AWAT1: variants seen among roughly 807,000 people sequenced by gnomAD.
AWAT1 encodes diacyl-glycerol acyltransferase 2.
In AWAT1, 26 loss-of-function variants were observed where a neutral mutation model predicts 21.6. That is an observed-to-expected ratio of 1.20 (90% CI 0.88 to 1.67). The LOEUF (loss-of-function observed/expected upper bound fraction) is 1.67, where lower values mean the gene tolerates loss of function less well. Ranked by LOEUF, AWAT1 falls within the 40% of genes most tolerant of loss-of-function variation. AWAT1 has a pLI of 0.00. For synonymous variants in AWAT1, 102 were observed against 99.3 expected (o/e 1.03, Z -0.16); for missense variants, 264 against 249.4 (o/e 1.06, Z -0.39).
intron 3 of AWAT1, 59 bp downstream of exon 3, chrX:70,236,198 C>T: frequency 1.1e-6 from 1 of 931,895 alleles, no homozygotes; most frequent in Non-Finnish European, 1.6e-6. Flanking sequence ...GGCATTTATA[C>T]CACATGACTA....
intron 1 of AWAT1, 92 bp downstream of exon 1, chrX:70,234,863 T>A: frequency 1.3e-6 from 1 of 788,089 alleles, no homozygotes; most frequent in Non-Finnish European, 1.9e-6. Flanking sequence ...TGAAGTCTCA[T>A]TTTGAGCCTT....
chrX:70,240,048 G>A (rs894765876), intron 6 of AWAT1, 88 bp from the exon 7 acceptor site: 87 of 1,146,991 alleles, frequency 7.6e-5, no homozygotes, highest in Non-Finnish European at 9.0e-5. Flanking sequence ...TCTGGGATGC[G>A]AGAGTCAGGC....
chrX:70,235,607 T>C, intron 1 of AWAT1, 109 bp from the exon 2 acceptor site: 1 of 574,696 alleles, frequency 1.7e-6, no homozygotes, highest in Non-Finnish European at 3.1e-6. Context: ...CTGGATTGTG[T>C]TGAGGGCCAG....
In AWAT1 at chrX:70,240,625, A is replaced by G. The variant is rs140973642; in HGVS notation, c.*335A>G. On this transcript the variant is annotated 3_prime_UTR_variant, in exon 7 of 7. Transcript: ENST00000374521. ...TACTTTCTGTCTCTGTGGATTTGCC[A>G]ATTCTGAACATTTTATATAAATGGA... 468 of 223,486 alleles carry G rather than the reference A, an allele frequency of 2.1e-3. 2 individuals carry two copies. Among genetic ancestry groups the G allele is most frequent in the Middle Eastern group, 8.7e-3 (6 of 691 alleles). The allele number at this position is 223,486 out of a possible 1,213,427, so 18.4% of individuals were successfully genotyped here.
intron 5 of AWAT1, 107 bp downstream of exon 5, chrX:70,238,490 C>A (rs957446759): frequency 4.6e-6 from 4 of 871,273 alleles, no homozygotes; most frequent in Admixed American, 7.9e-5. Flanking sequence ...AAGGAACATA[C>A]TACCAAGTAA....
At chrX:70,236,019 T>C in intron 2 of AWAT1, 50 bp from the exon 3 acceptor site, 1 of 1,073,561 alleles carries the variant, frequency 9.3e-7, no homozygotes, top group South Asian at 1.9e-5. Context: ...CCGTGGAATG[T>C]ATGGGATGGC....
chrX:70,240,072 G>A (rs1045978987), intron 6 of AWAT1, 64 bp from the exon 7 acceptor site: 1 of 1,170,704 alleles, frequency 8.5e-7, no homozygotes, highest in South Asian at 1.9e-5. Flanking sequence ...AGGTAGGAGA[G>A]GGAGGTTAAA....
At chrX:70,235,973 C>A in intron 2 of AWAT1, 96 bp from the exon 3 acceptor site, 1 of 935,642 alleles carries the variant, frequency 1.1e-6, no homozygotes, top group Non-Finnish European at 1.5e-6. Flanking sequence ...TCCTTTCCCA[C>A]CTCTCTAGCA....
rs1602708923 is a variant in AWAT1 at position 70,240,367 on chromosome X, G to A, written c.*77G>A. On this transcript the variant is annotated 3_prime_UTR_variant, in exon 7 of 7. Transcript: ENST00000374521. ...ACTCATCTGCCACTAACCAAAGACA[G>A]GCAGGAGATGAGGGAGGTTATATGT... 9.4e-7 allele frequency: 1 copy of A among 1,063,828 alleles called. No individual in the cohort carries two copies. Among genetic ancestry groups the A allele is most frequent in the Middle Eastern group, 2.7e-4 (1 of 3,746 alleles). 87.7% of individuals were successfully genotyped at this position (1,063,828 alleles called of 1,213,427 possible). A position where few individuals can be genotyped will look rare whatever the true frequency, so the allele number is the denominator to read the frequency against.
At position 70,240,414 on chromosome X, in the gene AWAT1, T is replaced by A; in HGVS notation, c.*124T>A. On this transcript the variant is annotated 3_prime_UTR_variant, in exon 7 of 7. Transcript: ENST00000374521. The stretch of plus-strand genomic sequence containing the variant: ...ATGTGGTAGGGGAGGGCATGAGGAA[T>A]TCCTTCTTTGCCTTCTTGCCACAGG... 1.3e-6 allele frequency: 1 copy of A among 774,566 alleles called. No homozygotes were observed. The highest frequency in any genetic ancestry group is 1.9e-6 in the Non-Finnish European group (1 of 539,642). The allele number at this position is 774,566 out of a possible 1,213,427, so 63.8% of individuals were successfully genotyped here.
In AWAT1 at chrX:70,240,319, G is replaced by A. The variant is rs1235385315; in HGVS notation, c.*29G>A. On this transcript the variant is annotated 3_prime_UTR_variant, in exon 7 of 7. Transcript: ENST00000374521. The stretch of plus-strand genomic sequence containing the variant: ...AAGGTACTGCATGCCCAGGAGCACA[G>A]GAGTGCCTGCCTTGAAGAAGAGACT... 8.4e-7 allele frequency: 1 copy of A among 1,194,396 alleles called. No individual in the cohort carries two copies. The highest frequency in any genetic ancestry group is 2.2e-5 in the Admixed American group (1 of 44,911).
At chrX:70,237,332 C>G (rs2147623949) in intron 4 of AWAT1, 84 bp downstream of exon 4, 1 of 836,235 alleles carries the variant, frequency 1.2e-6, no homozygotes. Context: ...CCCTCCTCCC[C>G]CCACCCGCCC....
chrX:70,236,088 G>A lies in AWAT1; in HGVS notation c.204G>A (p.Trp68Ter). The A allele has an allele frequency of 8.3e-7, 1 of 1,211,067 alleles. No individual in the cohort carries two copies. The highest frequency in any genetic ancestry group is 1.1e-6 in the Non-Finnish European group (1 of 894,894). ...TPERGGRRSA[W>*]VRNWCVWTHI... is the part of the protein sequence containing the mutation. ...CCTCAGGTGGCAGGCGTTCGGCCTG[G>A]GTAAGGAACTGGTGTGTCTGGACCC... Residue 68 changes from tryptophan (W) to a stop codon, truncating the protein, a stop_gained, in exon 3 of 7, where the codon TGG (tryptophan) becomes TGA (stop). Transcript: ENST00000374521. LOFTEE classifies it high-confidence loss of function.
At chrX:70,237,007 A>T in intron 3 of AWAT1, 37 bp from the exon 4 acceptor site, 1 of 1,142,574 alleles carries the variant, frequency 8.8e-7, no homozygotes, top group Non-Finnish European at 1.2e-6. Context: ...ATGTAATCTC[A>T]TTCCACCACC....
Position 70,239,795 on chromosome X carries a change from C to T in AWAT1, c.693C>T (p.Phe231=), listed in dbSNP as rs945958816. 8.3e-7 allele frequency: 1 copy of T among 1,210,811 alleles called. No individual in the cohort carries two copies. Residue 231 remains phenylalanine (F), a synonymous_variant, in exon 6 of 7, where the codon TTC becomes TTT. Transcript: ENST00000374521. The stretch of plus-strand genomic sequence containing the variant: ...CTGAGGTGTATGATCAGGTGCTGTT[C>T]CATAAGGATAGCAGGATGTACAAGT... ...GETEVYDQVL[F]HKDSRMYKFQ... is the part of the protein sequence containing the mutation.
rs373838476 is a variant in AWAT1 at position 70,238,320 on chromosome X, C to G, written c.569C>G (p.Pro190Arg). Reference protein sequence around the residue: ...GGVGEALQSVPNTTTLILQKR... With the variant: ...GGVGEALQSVRNTTTLILQKR... ...GTGGGTGAGGCCCTGCAAAGTGTGC[C>G]CAACACCACCACCCTCATCCTCCAG... Residue 190 changes from proline to arginine, a missense_variant, in exon 5 of 7, where the codon CCC becomes CGC. Physicochemically the swap from Pro to Arg is moderately radical, Grantham distance 103 (BLOSUM62 -2). Coordinates refer to ENST00000374521, the MANE Select transcript of AWAT1 (RefSeq NM_001013579.3). The G allele has an allele frequency of 4.1e-6, 5 of 1,208,027 alleles. No individual in the cohort carries two copies. The highest frequency in any genetic ancestry group is 3.5e-5 in the South Asian group (2 of 56,630).
At chrX:70,240,109 C>T in intron 6 of AWAT1, 27 bp from the exon 7 acceptor site, 1 of 1,205,648 alleles carries the variant, frequency 8.3e-7, no homozygotes, top group Non-Finnish European at 1.1e-6. Flanking sequence ...ACACTTTCCT[C>T]TTCTCTTTTC....
In AWAT1 at chrX:70,240,555, A is replaced by C; in HGVS notation, c.*265A>C. Reference sequence around the variant, plus strand: ...GGTCATCATTTGAGTCCTCTGGGACACATTAGCAGTCACTGCATATTCCCC... The same window carrying C: ...GGTCATCATTTGAGTCCTCTGGGACCCATTAGCAGTCACTGCATATTCCCC... On this transcript the variant is annotated 3_prime_UTR_variant, in exon 7 of 7. Coordinates refer to ENST00000374521, the MANE Select transcript of AWAT1 (RefSeq NM_001013579.3). 5 of 312,658 alleles carry C rather than the reference A, an allele frequency of 1.6e-5. No homozygotes were observed. Among genetic ancestry groups the C allele is most frequent in the Non-Finnish European group, 2.8e-5 (5 of 178,261 alleles). 25.8% of individuals were successfully genotyped at this position (312,658 alleles called of 1,213,427 possible).
rs770162447 is a variant in AWAT1, at chrX:70,239,946, T to G, written c.832+12T>G. 8.3e-7 allele frequency: 1 copy of G among 1,199,662 alleles called. No homozygotes were observed. Among genetic ancestry groups the G allele is most frequent in the South Asian group, 1.8e-5 (1 of 56,469 alleles). On this transcript the variant is annotated intron_variant, in intron 6 of 6. Coordinates refer to ENST00000374521, the MANE Select transcript of AWAT1 (RefSeq NM_001013579.3). ...TATTGTCACTGTGGGTGAGTGCCAC[T>G]CTCAGCCCCAGTGCCACCTCAGGTT...
Sources: allele counts gnomAD v4.1 joint callset, GRCh38; gene constraint gnomAD v4.1.1; transcripts MANE v1.5; gene names NCBI Gene and HGNC (gene_info 2026-07-23, HGNC 2026-07-21).